The following BEND7 variants were observed in gnomAD, a reference collection of about 807,000 sequenced individuals.
BEND7 encodes BEN domain containing 7.
In BEND7, 28 loss-of-function variants were observed where a neutral mutation model predicts 50.9. The observed-to-expected ratio is 0.55, with a 90% CI of 0.41 to 0.75. The LOEUF is 0.75. BEND7 is among the 30% of genes least tolerant of loss of function. BEND7 has a pLI of 0.00. For synonymous variants in BEND7, 170 were observed against 183.9 expected (o/e 0.92, Z 0.61); for missense variants, 477 against 491.3 (o/e 0.97, Z 0.28).
chr10:13,499,517 C>T (rs768942608), intron 3 of BEND7, among the ~76,000 whole-genome samples: 3 of 152,180 alleles, frequency 2.0e-5, no homozygotes, highest in Non-Finnish European at 2.9e-5. Flanking sequence ...AAAATGATCG[C>T]TTTAACCTCT....
At chr10:13,474,339 C>T (rs758672584) in intron 6 of BEND7, among the ~76,000 whole-genome samples, 8 of 149,428 alleles carry the variant, frequency 5.4e-5, no homozygotes, top group East Asian at 2.0e-4. Context: ...AATTTGGGGT[C>T]GATATCCGTC....
chr10:13,470,216 G>A (rs896340133), intron 6 of BEND7, among the ~76,000 whole-genome samples: 4 of 152,186 alleles, frequency 2.6e-5, no homozygotes, highest in African/African-American at 9.7e-5. Context: ...GCCACAGCTG[G>A]CACATATGGA....
intron 6 of BEND7, among the ~76,000 whole-genome samples, chr10:13,479,070 G>T (rs1010437375): frequency 6.7e-6 from 1 of 149,644 alleles, no homozygotes; most frequent in Admixed American, 6.7e-5. Flanking sequence ...ACAATGGTGC[G>T]ATCTCAGCTT....
downstream of BEND7, among the ~76,000 whole-genome samples, chr10:13,440,609 G>A (rs563271722): frequency 6.6e-5 from 10 of 152,356 alleles, no homozygotes; most frequent in Admixed American, 2.0e-4. Context: ...GACAGAGCAC[G>A]CCCGCGGGAG....
At chr10:13,438,860 C>G (rs554053849), downstream of BEND7, 1 of 319,584 alleles carries the variant, frequency 3.1e-6, no homozygotes, top group Admixed American at 4.6e-5. Context: ...GTCCAACCAG[C>G]CTGACCCTCC....
chr10:13,512,256 G>T (rs376939705), intron 2 of BEND7, among the ~76,000 whole-genome samples: 1 of 152,156 alleles, frequency 6.6e-6, no homozygotes, highest in South Asian at 2.1e-4. Context: ...ACAACATAGC[G>T]AGATCCTGTC....
At chr10:13,475,714 T>C (rs1451065006) in intron 6 of BEND7, among the ~76,000 whole-genome samples, 1 of 152,138 alleles carries the variant, frequency 6.6e-6, no homozygotes, top group Non-Finnish European at 1.5e-5. Context: ...ATCCAAATGC[T>C]AGAGTTTAAG....
chr10:13,516,505 C>T (rs1258577622), intron 2 of BEND7, among the ~76,000 whole-genome samples: 2 of 152,128 alleles, frequency 1.3e-5, no homozygotes, highest in African/African-American at 4.8e-5. Flanking sequence ...GCAGGCAGAT[C>T]GCTTGAAGTC....
At chr10:13,473,962 G>A (rs370819720) in intron 6 of BEND7, among the ~76,000 whole-genome samples, 29 of 151,474 alleles carry the variant, frequency 1.9e-4, no homozygotes, top group Admixed American at 9.2e-4. Context: ...TGTTAGACTC[G>A]GGGCCAATAC....
chr10:13,527,459 A>C (rs1235778630), intron 1 of BEND7, among the ~76,000 whole-genome samples: 1 of 152,186 alleles, frequency 6.6e-6, no homozygotes, highest in Admixed American at 6.5e-5. Context: ...TTTTTCACTA[A>C]TTTTCATCAG....
intron 6 of BEND7, among the ~76,000 whole-genome samples, chr10:13,479,854 A>G (rs34917028): frequency 0.12 from 17,517 of 152,258 alleles, 1,052 homozygotes; most frequent in African/African-American, 0.17. Flanking sequence ...TGCTAGTTCC[A>G]TTTAAATACC....
chr10:13,476,051 C>T (rs764814702), intron 6 of BEND7, among the ~76,000 whole-genome samples: 2 of 152,022 alleles, frequency 1.3e-5, no homozygotes, highest in Non-Finnish European at 2.9e-5. Flanking sequence ...CCACCCCAAC[C>T]GTATTAATTT....
chr10:13,452,455 T>TA, intron 7 of BEND7, 84 bp downstream of exon 7: 1 of 1,378,428 alleles, frequency 7.3e-7, no homozygotes, highest in Non-Finnish European at 9.7e-7. Flanking sequence ...GATGCTGAAA[T>TA]AACCTAGAGC....
rs555225884 is a variant in BEND7, at chr10:13,506,253, C to T, written c.146-6173G>A. 2.3e-4 allele frequency among the ~76,000 whole-genome samples: 35 copies of T among 152,306 alleles called. No homozygotes were observed. The South Asian group carries it at 6.4e-3, about 28-fold the overall frequency. On this transcript the variant is annotated intron_variant, in intron 2 of 8. Coordinates refer to ENST00000466271, the MANE Select transcript of BEND7 (RefSeq NM_001369863.1). Reference sequence around the variant, plus strand: ...CTTGCTAGAGCTAGACCCGCCTCTTCCCTGTGGATCCTGCCTTCCCTGTTG... The same window carrying T: ...CTTGCTAGAGCTAGACCCGCCTCTTTCCTGTGGATCCTGCCTTCCCTGTTG...
At chr10:13,474,316 A>G (rs1214206973) in intron 6 of BEND7, among the ~76,000 whole-genome samples, 1 of 149,404 alleles carries the variant, frequency 6.7e-6, no homozygotes, top group Non-Finnish European at 1.5e-5. Flanking sequence ...GTCGATATCC[A>G]TCATCGCTGT....
chr10:13,440,161 C>T (rs966399507), downstream of BEND7, among the ~76,000 whole-genome samples: 25 of 152,142 alleles, frequency 1.6e-4, no homozygotes, highest in South Asian at 2.3e-3. Flanking sequence ...GTCCCCTGGC[C>T]ATTGGGTTAG....
At chr10:13,444,432 C>T (rs1039530226) in intron 8 of BEND7, 1 of 152,208 alleles carries the variant, frequency 6.6e-6, no homozygotes, top group African/African-American at 2.4e-5. Flanking sequence ...ACATCCCTTT[C>T]CCTGCCCTTC....
intron 6 of BEND7, among the ~76,000 whole-genome samples, chr10:13,468,485 G>A (rs1308030195): frequency 6.6e-6 from 1 of 152,202 alleles, no homozygotes; most frequent in Non-Finnish European, 1.5e-5. Context: ...TCAAGTTACG[G>A]AGTCTTGGAA....
At chr10:13,482,605 G>A (rs927974718) in intron 5 of BEND7, among the ~76,000 whole-genome samples, 2 of 152,218 alleles carry the variant, frequency 1.3e-5, no homozygotes, top group Non-Finnish European at 2.9e-5. Flanking sequence ...ACACAGGAAG[G>A]AGTTTGGGCC....
Sources: gnomAD v4.1 joint callset for allele counts (sites outside exome capture counted in the v4.1 genomes callset) on GRCh38, gnomAD v4.1.1 for gene constraint, MANE v1.5 for transcripts, NCBI Gene and HGNC (gene_info 2026-07-23, HGNC 2026-07-21) for gene names.